ZMIZ1: variants seen among roughly 807,000 people sequenced by gnomAD.
ZMIZ1 encodes zinc finger MIZ domain-containing protein 1.
ZMIZ1 carries 17 observed loss-of-function variants against 113.9 expected under a neutral mutation model. That is an observed-to-expected ratio of 0.15 (90% CI 0.10 to 0.22). ZMIZ1 has a LOEUF of 0.22. ZMIZ1 is among the 10% of genes least tolerant of loss of function. The pLI, the probability that ZMIZ1 is intolerant of heterozygous loss-of-function variation, is 1.00. For synonymous variants in ZMIZ1, 607 were observed against 603.1 expected (o/e 1.01, Z -0.09); for missense variants, 1,059 against 1,477.8 (o/e 0.72, Z 4.65).
intron 4 of ZMIZ1, among the ~76,000 whole-genome samples, chr10:79,183,362 A>G (rs903935780): frequency 9.1e-4 from 76 of 83,860 alleles, no homozygotes; most frequent in South Asian, 3.2e-3. Flanking sequence ...GCACGCGCAC[A>G]CACACACACA....
chr10:79,268,020 G>A (rs1024780929), intron 7 of ZMIZ1, among the ~76,000 whole-genome samples: 1 of 152,190 alleles, frequency 6.6e-6, no homozygotes, highest in African/African-American at 2.4e-5. Context: ...AGGCTTCCCC[G>A]GTCCCAGGAC....
Position 79,122,995 on chromosome 10 carries a change from C to T in ZMIZ1, c.-227+3971C>T, listed in dbSNP as rs149705097. 1.5e-3 allele frequency among the ~76,000 whole-genome samples: 227 copies of T among 152,342 alleles called. 6 individuals carry two copies. The highest frequency in any genetic ancestry group is 5.0e-3 in the African/African-American group (206 of 41,568). On this transcript the variant is annotated intron_variant, in intron 2 of 24. Coordinates refer to ENST00000334512, the MANE Select transcript of ZMIZ1 (RefSeq NM_020338.4). ...GGTCCAGCCAGCTAGAGCAGACTAG[C>T]GCCCAGCCCTGCTTTTCCCCACAAG...
chr10:79,313,508 C>T lies in ZMIZ1; in HGVS notation c.*759C>T, dbSNP rs1855341633. The T allele has an allele frequency of 6.2e-6, 1 of 160,506 alleles. No individual in the cohort carries two copies. The highest frequency in any genetic ancestry group is 2.4e-5 in the African/African-American group (1 of 41,330). 9.9% of individuals were successfully genotyped at this position (160,506 alleles called of 1,614,324 possible). On this transcript the variant is annotated 3_prime_UTR_variant, in exon 25 of 25. Transcript: ENST00000334512. ...TCTGAGCCAGGACGTCCCTGAGGCTCCACCTCCAAGCTCAGACAGGGCCCA... is the reference window on the plus strand; with the variant it reads ...TCTGAGCCAGGACGTCCCTGAGGCTTCACCTCCAAGCTCAGACAGGGCCCA...
rs548864536 is a variant in ZMIZ1 at position 79,235,822 on chromosome 10, T to G, written c.280+19548T>G. ...GCGTATCTGCCTAGCACTTTGCAGT[T>G]TGCAGGGCATGCCCTGGACGCTACA... On this transcript the variant is annotated intron_variant, in intron 7 of 24. Transcript: ENST00000334512. 2.0e-5 allele frequency among the ~76,000 whole-genome samples: 3 copies of G among 152,240 alleles called. No individual in the cohort carries two copies. The South Asian group carries it at 6.2e-4, about 32-fold the overall frequency.
rs913309718 is a variant in ZMIZ1, at chr10:79,167,843, C to T, written c.-50+5710C>T. 2.0e-5 allele frequency among the ~76,000 whole-genome samples: 3 copies of T among 152,274 alleles called. No individual in the cohort carries two copies. In the South Asian group the frequency reaches 6.2e-4, roughly 32 times the overall value. On this transcript the variant is annotated intron_variant, in intron 4 of 24. Coordinates refer to ENST00000334512, the MANE Select transcript of ZMIZ1 (RefSeq NM_020338.4). ...GTCACCCCTGCCCTCCAGCCCCTCCCACATCAGCCAGCAGAGTCTGAATCT... is the reference window on the plus strand; with the variant it reads ...GTCACCCCTGCCCTCCAGCCCCTCCTACATCAGCCAGCAGAGTCTGAATCT...
intron 7 of ZMIZ1, among the ~76,000 whole-genome samples, chr10:79,261,807 G>A (rs1225733199): frequency 6.6e-6 from 1 of 152,208 alleles, no homozygotes; most frequent in Non-Finnish European, 1.5e-5. Context: ...AGGTTACCTT[G>A]TTACACCTTT....
chr10:79,102,986 G>C (rs1206720182), intron 1 of ZMIZ1, among the ~76,000 whole-genome samples: 2 of 152,250 alleles, frequency 1.3e-5, no homozygotes, highest in African/African-American at 4.8e-5. Context: ...GAGCAGGGCT[G>C]GGGAACACAG....
At chr10:79,184,374 T>G (rs571456350) in intron 4 of ZMIZ1, among the ~76,000 whole-genome samples, 1 of 152,356 alleles carries the variant, frequency 6.6e-6, no homozygotes, top group Non-Finnish European at 1.5e-5. Context: ...CTCATGGCTC[T>G]GCCATGCACT....
chr10:79,282,728 C>T (rs1034954400), intron 8 of ZMIZ1, among the ~76,000 whole-genome samples: 2 of 152,224 alleles, frequency 1.3e-5, no homozygotes, highest in Admixed American at 6.5e-5. Flanking sequence ...GCCATAGCCC[C>T]GCAGCTATAT....
At chr10:79,299,446 T>C (rs1269714830) in intron 16 of ZMIZ1, among the ~76,000 whole-genome samples, 1 of 152,246 alleles carries the variant, frequency 6.6e-6, no homozygotes, top group Non-Finnish European at 1.5e-5. Context: ...AAAAGGTGGC[T>C]GGCTCAGACC....
intron 8 of ZMIZ1, chr10:79,285,519 A>T (rs1589564390): frequency 2.2e-6 from 1 of 455,948 alleles, no homozygotes; most frequent in Non-Finnish European, 4.4e-6. Flanking sequence ...TCCTTCTCTC[A>T]CTTTCTGGGC....
intron 12 of ZMIZ1, chr10:79,295,083 A>G (rs1022193654): frequency 2.0e-5 from 3 of 152,046 alleles, no homozygotes; most frequent in Admixed American, 2.0e-4. Flanking sequence ...GCCTCAAGCT[A>G]TTGGCACCTC....
At chr10:79,145,189 C>T (rs1416320779) in intron 3 of ZMIZ1, among the ~76,000 whole-genome samples, 1 of 152,072 alleles carries the variant, frequency 6.6e-6, no homozygotes, top group Non-Finnish European at 1.5e-5. Flanking sequence ...CATGGCCTTG[C>T]CTCTCACTCT....
intron 1 of ZMIZ1, among the ~76,000 whole-genome samples, chr10:79,098,631 C>G (rs1843250998): frequency 6.6e-6 from 1 of 152,200 alleles, no homozygotes; most frequent in African/African-American, 2.4e-5. Context: ...CAGTGAGATT[C>G]AGAGAGTTGA....
intron 4 of ZMIZ1, among the ~76,000 whole-genome samples, chr10:79,168,926 T>G (rs1846484359): frequency 6.6e-6 from 1 of 152,190 alleles, no homozygotes; most frequent in African/African-American, 2.4e-5. Context: ...TGCTGAGCCT[T>G]TGGAAGCTTT....
At chr10:79,116,417 G>T (rs186605699) in intron 1 of ZMIZ1, among the ~76,000 whole-genome samples, 12 of 152,150 alleles carry the variant, frequency 7.9e-5, no homozygotes, top group Non-Finnish European at 1.5e-4. Context: ...AGAGAGAACT[G>T]TGTGAATATG....
intron 7 of ZMIZ1, among the ~76,000 whole-genome samples, chr10:79,265,365 G>GCA (rs1851533100): frequency 6.6e-6 from 1 of 151,996 alleles, no homozygotes; most frequent in South Asian, 2.1e-4. Context: ...TCCTCCCTAT[G>GCA]CACAGGGCTT....
At chr10:79,267,031 G>C (rs1479519721) in intron 7 of ZMIZ1, among the ~76,000 whole-genome samples, 1 of 152,258 alleles carries the variant, frequency 6.6e-6, no homozygotes. Context: ...CTATTGTGGA[G>C]AGGACAGCTG....
rs1463467048 is a variant in ZMIZ1, at chr10:79,069,202, C to A, written c.-405C>A. 1 of 149,890 alleles carries A rather than the reference C, an allele frequency of 6.7e-6. No homozygotes were observed. Among genetic ancestry groups the A allele is most frequent in the Non-Finnish European group, 1.5e-5 (1 of 67,354 alleles). 9.3% of individuals were successfully genotyped at this position (149,890 alleles called of 1,614,324 possible). ...CGCCCTCGCTGCGCTCCTCCCGGCC[C>A]GAGCCTGCCCTACCCGGCGGTGGCG... is the stretch of plus-strand genomic sequence containing the variant. On this transcript the variant is annotated 5_prime_UTR_variant, in exon 1 of 25. Transcript: ENST00000334512. The surrounding 1 kb of genome is among the most constrained non-coding windows in gnomAD (Gnocchi z 4.6).
Sources: gnomAD v4.1 joint callset for allele counts (sites outside exome capture counted in the v4.1 genomes callset) on GRCh38, gnomAD v4.1.1 for gene constraint, Gnocchi (gnomAD v3.1) non-coding constraint, MANE v1.5 for transcripts, NCBI Gene and HGNC (gene_info 2026-07-23, HGNC 2026-07-21) for gene names.